ALPK3: variants seen among roughly 807,000 people sequenced by gnomAD.
The protein encoded by ALPK3 is alpha kinase 3.
Under a neutral mutation model 140.0 loss-of-function variants are expected in ALPK3, and 102 were observed. The observed-to-expected ratio is 0.73, with a 90% CI of 0.62 to 0.86. The LOEUF is 0.86. Among genes scored for constraint, ALPK3 ranks in the 40% least tolerant of loss-of-function variants. ALPK3 has a pLI of 0.00. For missense variants in ALPK3, 2,254 were observed against 2,208.2 expected (o/e 1.02, Z -0.42); for synonymous variants, 938 against 898.5 (o/e 1.04, Z -0.79).
intron 6 of ALPK3, 140 bp downstream of exon 6, chr15:84,858,695 C>T (rs1963901333): frequency 2.3e-6 from 3 of 1,288,824 alleles, no homozygotes; most frequent in Non-Finnish European, 3.1e-6. Flanking sequence ...TAAAGGTACC[C>T]TTCTCTCACA....
Position 84,868,484 on chromosome 15 carries a change from C to T in ALPK3, c.*28C>T, listed in dbSNP as rs368507979. ...TCCGCAGAGGCTGGGGGCCTCCACC[C>T]AGCAGCAGACCAACCAGGAAGCAGC... On this transcript the variant is annotated 3_prime_UTR_variant, in exon 14 of 14. Coordinates refer to ENST00000258888, the MANE Select transcript of ALPK3 (RefSeq NM_020778.5). 295 of 1,564,616 alleles carry T rather than the reference C, an allele frequency of 1.9e-4. No individual in the cohort carries two copies. The highest frequency in any genetic ancestry group is 2.4e-4 in the Non-Finnish European group (278 of 1,159,064).
chr15:84,840,365 C>T lies in ALPK3; in HGVS notation c.1086C>T (p.Gly362=), dbSNP rs1347261615. The change falls in exon 5 of 14, where the codon GGC becomes GGT. Residue 362 remains glycine (G), a synonymous_variant. Coordinates refer to ENST00000258888, the MANE Select transcript of ALPK3 (RefSeq NM_020778.5). ...PDSCGTQGPV[G]VEQVQTQPRG... ...CCTGTGGGACTCAGGGGCCCGTGGG[C>T]GTGGAGCAGGTTCAGACCCAGCCCA... The T allele has an allele frequency of 3.1e-6, 5 of 1,613,304 alleles. No homozygotes were observed. The highest frequency in any genetic ancestry group is 4.2e-6 in the Non-Finnish European group (5 of 1,179,730).
Position 84,859,200 on chromosome 15 carries a change from G to A in ALPK3, c.3818-43G>A, listed in dbSNP as rs2289141. ...ACCCAGGAGAGCAAGGATATGGCCA[G>A]AGGAGAGGTGGTGTTCCCCTCTTGA... is the stretch of plus-strand genomic sequence containing the variant. On this transcript the variant is annotated intron_variant, in intron 6 of 13. Transcript: ENST00000258888. 0.19 allele frequency: 305,295 copies of A among 1,611,412 alleles called. 31,976 individuals are homozygous for A. The highest frequency in any genetic ancestry group is 0.34 in the South Asian group (30,989 of 90,788).
intron 2 of ALPK3, 90 bp from the exon 3 acceptor site, chr15:84,827,394 C>A: frequency 1.3e-6 from 2 of 1,557,428 alleles, no homozygotes; most frequent in South Asian, 1.1e-5. Flanking sequence ...GATGGGCAGG[C>A]ATGGTAAGAC....
At chr15:84,865,903 T>G (rs1963998657) in intron 12 of ALPK3, among the ~76,000 whole-genome samples, 1 of 152,318 alleles carries the variant, frequency 6.6e-6, no homozygotes, top group East Asian at 1.9e-4. Context: ...ATTGCACTAC[T>G]GCACTCCAGC....
chr15:84,823,842 C>T (rs762367528), intron 2 of ALPK3, among the ~76,000 whole-genome samples: 2 of 152,144 alleles, frequency 1.3e-5, no homozygotes, highest in Non-Finnish European at 2.9e-5. Flanking sequence ...TTCTGAGTAG[C>T]GGGGACTACA....
intron 5 of ALPK3, among the ~76,000 whole-genome samples, chr15:84,848,156 G>C (rs1963758399): frequency 6.6e-6 from 1 of 151,840 alleles, no homozygotes; most frequent in Non-Finnish European, 1.5e-5. Flanking sequence ...CATCAAGAAT[G>C]AAAGAAGGGC....
chr15:84,854,401 C>T (rs1353068611), intron 5 of ALPK3, among the ~76,000 whole-genome samples: 2 of 152,192 alleles, frequency 1.3e-5, no homozygotes, highest in African/African-American at 4.8e-5. Context: ...ATTCTCTTGC[C>T]TCAGCCTCAG....
chr15:84,858,489 G>T lies in ALPK3; in HGVS notation c.3751G>T (p.Val1251Leu), dbSNP rs1198332004. 1 of 1,580,838 alleles carries T rather than the reference G, an allele frequency of 6.3e-7. No individual in the cohort carries two copies. Among genetic ancestry groups the T allele is most frequent in the Admixed American group, 1.8e-5 (1 of 54,730 alleles). Reference sequence around the variant, plus strand: ...CAAGGCCGGCGGTCTGGACACAGAGGTGGCCCTGGATGAAGGCAAGCAGGA... The same window carrying T: ...CAAGGCCGGCGGTCTGGACACAGAGTTGGCCCTGGATGAAGGCAAGCAGGA... ...SPKAGGLDTE[V>L]ALDEGKQETL... Residue 1251 changes from valine to leucine, a missense_variant, in exon 6 of 14, where the codon GTG becomes TTG. Physicochemically the swap from Val to Leu is conservative, Grantham distance 32. Around this residue, in one of 3 missense-constraint regions of ALPK3, gnomAD observed 2,088 missense variants for 2,022.9 expected, o/e 1.03. Transcript: ENST00000258888.
At chr15:84,849,656 A>G (rs1008879586) in intron 5 of ALPK3, among the ~76,000 whole-genome samples, 1 of 152,208 alleles carries the variant, frequency 6.6e-6, no homozygotes, top group African/African-American at 2.4e-5. Context: ...ACATACTTTT[A>G]TGGGCCAAGG....
In ALPK3 at chr15:84,839,717, T is replaced by C. The variant is rs367865501; in HGVS notation, c.438T>C (p.Asp146=). The C allele has an allele frequency of 2.7e-5, 43 of 1,605,188 alleles. No individual in the cohort carries two copies. Among genetic ancestry groups the C allele is most frequent in the Non-Finnish European group, 3.5e-5 (41 of 1,174,238 alleles). ...CTACCTCTAGGTGTCGAGAAGAAGA[T>C]GCCGCCATCTACCAGGCCTCTGCCC... ...TLQLYRCREE[D]AAIYQASAQN... The change falls in exon 5 of 14, where the codon GAT becomes GAC. Residue 146 remains aspartate, a synonymous_variant. Coordinates refer to ENST00000258888, the MANE Select transcript of ALPK3 (RefSeq NM_020778.5).
intron 9 of ALPK3, 53 bp downstream of exon 9, chr15:84,860,125 G>A (rs1182150160): frequency 6.3e-7 from 1 of 1,599,800 alleles, no homozygotes; most frequent in Non-Finnish European, 8.6e-7. Context: ...CCATCTGCAG[G>A]GAGGACCCTC....
intron 7 of ALPK3, 60 bp from the exon 8 acceptor site, chr15:84,859,716 C>T (rs1963919007): frequency 6.5e-7 from 1 of 1,546,536 alleles, no homozygotes; most frequent in Non-Finnish European, 8.7e-7. Context: ...TCCAAGGACG[C>T]TTAGGACCAC....
chr15:84,849,518 T>G (rs1195873603), intron 5 of ALPK3, among the ~76,000 whole-genome samples: 1 of 152,170 alleles, frequency 6.6e-6, no homozygotes, highest in Non-Finnish European at 1.5e-5. Flanking sequence ...TGGACCATAA[T>G]ATAAATCTTA....
chr15:84,839,449 T>C (rs1596149504), intron 4 of ALPK3, among the ~76,000 whole-genome samples: 2 of 152,228 alleles, frequency 1.3e-5, no homozygotes, highest in East Asian at 1.9e-4. Flanking sequence ...AAGGGAGCTC[T>C]CCTGGGCCCC....
In ALPK3 at chr15:84,840,410, GCCTGGGTCCT is replaced by G. The variant is rs751947135; in HGVS notation, c.1133_1142del (p.Pro378LeufsTer35). On this transcript the variant is annotated frameshift_variant, in exon 5 of 14. Coordinates refer to ENST00000258888, the MANE Select transcript of ALPK3 (RefSeq NM_020778.5). LOFTEE classifies it high-confidence loss of function. Reference sequence around the variant, plus strand: ...AGCCCAGAGGCAGGGCTGCACGGGGGCCTGGGTCCTCTGGCACAGATAGTACCAGGAAGCC... The same window carrying G: ...AGCCCAGAGGCAGGGCTGCACGGGGGCTGGCACAGATAGTACCAGGAAGCC... 1 of 1,613,926 alleles carries G rather than the reference GCCTGGGTCCT, an allele frequency of 6.2e-7. No individual in the cohort carries two copies. The highest frequency in any genetic ancestry group is 1.3e-5 in the African/African-American group (1 of 75,058).
Position 84,839,050 on chromosome 15 carries a change from A to G in ALPK3, c.375A>G (p.Lys125=). 6.2e-7 allele frequency: 1 copy of G among 1,612,668 alleles called. No homozygotes were observed. Residue 125 remains lysine, a synonymous_variant, in exon 4 of 14, where the codon AAA becomes AAG. Transcript: ENST00000258888. ...TELDRYCGLP[K]YEITHQGNRH... is the part of the protein sequence containing the mutation. ...TGGACCGCTACTGTGGCTTGCCAAA[A>G]TATGAGATCACTCATCAGGGCAACC...
intron 5 of ALPK3, among the ~76,000 whole-genome samples, chr15:84,851,421 T>C (rs1199223881): frequency 6.6e-6 from 1 of 152,210 alleles, no homozygotes; most frequent in Non-Finnish European, 1.5e-5. Context: ...GATTTCCTTA[T>C]ATATTTTCAT....
At chr15:84,863,041 C>G (rs1187920956) in intron 10 of ALPK3, 126 bp downstream of exon 10, 1 of 1,277,132 alleles carries the variant, frequency 7.8e-7, no homozygotes, top group South Asian at 1.5e-5. Context: ...TTATGAGGCT[C>G]CTAGGAGGAC....
Sources: gnomAD v4.1 joint callset for allele counts (sites outside exome capture counted in the v4.1 genomes callset) on GRCh38, gnomAD v4.1.1 for gene constraint, gnomAD v4.1.1 regional missense constraint, MANE v1.5 for transcripts, NCBI Gene and HGNC (gene_info 2026-07-23, HGNC 2026-07-21) for gene names.